MYBL1: variants seen among roughly 807,000 people sequenced by gnomAD.
The protein encoded by MYBL1 is MYB proto-oncogene like 1, also known as myb-related protein A.
Under a neutral mutation model 96.3 loss-of-function variants are expected in MYBL1, and 17 were observed. That is an observed-to-expected ratio of 0.18 (90% CI 0.12 to 0.26). The LOEUF (loss-of-function observed/expected upper bound fraction) is 0.26. MYBL1 is among the 10% of genes least tolerant of loss of function. The probability of loss-of-function intolerance (pLI) is 1.00; values close to 1 mark genes in which losing one functional copy is unlikely to be tolerated. For synonymous variants in MYBL1, 282 were observed against 292.7 expected (o/e 0.96, Z 0.37); for missense variants, 701 against 882.9 (o/e 0.79, Z 2.61).
chr8:66,603,966 A>G (rs1586599900), intron 1 of MYBL1, among the ~76,000 whole-genome samples: 1 of 115,598 alleles, frequency 8.7e-6, no homozygotes, highest in South Asian at 2.4e-4. Flanking sequence ...AATTCATATG[A>G]AAAAAAAAAA....
chr8:66,586,048 T>TG, intron 8 of MYBL1, among the ~76,000 whole-genome samples: 1 of 146,710 alleles, frequency 6.8e-6, no homozygotes, highest in East Asian at 1.9e-4. Context: ...TGGTGTTTTT[T>TG]TTTTTTTTTT....
At chr8:66,571,013 G>C (rs116739385) in intron 12 of MYBL1, among the ~76,000 whole-genome samples, 3,037 of 152,226 alleles carry the variant, frequency 0.02, 96 homozygotes, top group African/African-American at 0.068. Flanking sequence ...AGATGTGCGT[G>C]TGTAACATGC....
rs371289891 is a variant in MYBL1 at position 66,589,846 on chromosome 8, T to A, written c.867+2594A>T. Among the ~76,000 whole-genome samples, 6 of 152,308 alleles carry A rather than the reference T, an allele frequency of 3.9e-5. No individual in the cohort carries two copies. The South Asian group carries it at 6.2e-4, about 16-fold the overall frequency. ...GTAAGTATATGTCAGGTCTTCCTAGTTGCTCATGGTTTTTGCAGTTTCAAA... is the reference window on the plus strand; with the variant it reads ...GTAAGTATATGTCAGGTCTTCCTAGATGCTCATGGTTTTTGCAGTTTCAAA... On this transcript the variant is annotated intron_variant, in intron 8 of 15. Transcript: ENST00000522677.
At chr8:66,602,744 T>A (rs1219785620) in intron 1 of MYBL1, among the ~76,000 whole-genome samples, 17 of 103,002 alleles carry the variant, frequency 1.7e-4, no homozygotes, top group African/African-American at 4.4e-4. Flanking sequence ...TTTTTTTTTT[T>A]TTTTTTTTTT....
At chr8:66,566,277 A>T (rs1016694068) in intron 14 of MYBL1, 34 bp from the exon 15 acceptor site, 7 of 1,321,188 alleles carry the variant, frequency 5.3e-6, no homozygotes, top group Non-Finnish European at 7.2e-6. Context: ...AAAATAACTA[A>T]TTCAAAAATG....
At chr8:66,566,315 G>T in intron 14 of MYBL1, 72 bp from the exon 15 acceptor site, 1 of 883,366 alleles carries the variant, frequency 1.1e-6, no homozygotes, top group Non-Finnish European at 1.6e-6. Context: ...TACTGAGTAA[G>T]TGGTAATGGA....
At chr8:66,606,917 G>A (rs1215234064) in intron 1 of MYBL1, among the ~76,000 whole-genome samples, 1 of 151,712 alleles carries the variant, frequency 6.6e-6, no homozygotes, top group Admixed American at 6.6e-5. Context: ...CAGCCTCCCA[G>A]GTAGAAGGAA....
intron 12 of MYBL1, among the ~76,000 whole-genome samples, chr8:66,568,781 C>T (rs1314215236): frequency 6.6e-6 from 1 of 151,960 alleles, no homozygotes; most frequent in African/African-American, 2.4e-5. Context: ...AATCCCAGCA[C>T]TTTGGGAGAC....
rs374197637 is a variant in MYBL1 at position 66,576,200 on chromosome 8, T to C, written c.1277A>G (p.Asn426Ser). Residue 426 changes from asparagine to serine, a missense_variant, in exon 10 of 16, where the codon AAC becomes AGC. By Grantham distance (46) the Asn-to-Ser change is conservative (BLOSUM62 1). Transcript: ENST00000522677. ...EGKKNTCNGG[N>S]SEAVPLTSPN... is the part of the protein sequence containing the mutation. ...GGATGTTAAAGGAACAGCTTCACTG[T>C]TGCCACCATTACAAGTGTTTTTTTT... is the stretch of plus-strand genomic sequence containing the variant. 2 of 1,613,898 alleles carry C rather than the reference T, an allele frequency of 1.2e-6. No homozygotes were observed. Among genetic ancestry groups the C allele is most frequent in the African/African-American group, 2.7e-5 (2 of 74,946 alleles).
intron 1 of MYBL1, among the ~76,000 whole-genome samples, chr8:66,603,768 C>T (rs1321146313): frequency 3.3e-5 from 5 of 152,008 alleles, no homozygotes; most frequent in South Asian, 2.1e-4. Context: ...CCAAATCCCA[C>T]GCTTGAGATT....
intron 8 of MYBL1, among the ~76,000 whole-genome samples, chr8:66,583,499 C>G (rs1809296375): frequency 6.6e-6 from 1 of 151,056 alleles, no homozygotes; most frequent in Non-Finnish European, 1.5e-5. Context: ...AAAACTGAGA[C>G]AAACAAATAC....
chr8:66,567,526 A>AGTGT lies in MYBL1; in HGVS notation c.1729-538_1729-535dup, dbSNP rs111352513. ...AGTATCCAAGAAGACAGAGAGAGTG[A>AGTGT]GTGTGTGTGTGTGTGTGTGTGTGTG... On this transcript the variant is annotated intron_variant, in intron 12 of 15. Coordinates refer to ENST00000522677, the MANE Select transcript of MYBL1 (RefSeq NM_001080416.4). Among the ~76,000 whole-genome samples the AGTGT allele has an allele frequency of 1.5e-3, 222 of 146,914 alleles. 1 individual carries two copies. The highest frequency in any genetic ancestry group is 4.3e-3 in the African/African-American group (176 of 40,524).
At chr8:66,579,254 A>T (rs563684500) in intron 9 of MYBL1, among the ~76,000 whole-genome samples, 122 of 150,276 alleles carry the variant, frequency 8.1e-4, no homozygotes, top group South Asian at 2.9e-3. Context: ...TTAAAAAAAA[A>T]TTTTTTTTAA....
chr8:66,613,056 CCCCGG>C lies in MYBL1; in HGVS notation c.-223_-219del. Reference sequence around the variant, plus strand: ...CCCCGGCCCGCAGCGCCGCTCTTAGCCCCGGCCCGGCCCGGCCAGGGATACCCCCA... The same window carrying C: ...CCCCGGCCCGCAGCGCCGCTCTTAGCCCCGGCCCGGCCAGGGATACCCCCA... On this transcript the variant is annotated 5_prime_UTR_variant, in exon 1 of 16. An upstream open reading frame in the 5' UTR loses its in-frame stop. Transcript: ENST00000522677. 1 of 448,290 alleles carries C rather than the reference CCCCGG, an allele frequency of 2.2e-6. No individual in the cohort carries two copies. Among genetic ancestry groups the C allele is most frequent in the Non-Finnish European group, 3.7e-6 (1 of 268,362 alleles). The allele number at this position is 448,290 out of a possible 1,614,324, so 27.8% of individuals were successfully genotyped here. A position where few individuals can be genotyped will look rare whatever the true frequency, so the allele number is the denominator to read the frequency against.
rs548530854 is a variant in MYBL1 at position 66,601,447 on chromosome 8, A to G, written c.198+251T>C. Among the ~76,000 whole-genome samples the G allele has an allele frequency of 5.3e-5, 8 of 152,174 alleles. No individual in the cohort carries two copies. In the South Asian group the frequency reaches 8.3e-4, roughly 16 times the overall value. On this transcript the variant is annotated intron_variant, in intron 3 of 15. Coordinates refer to ENST00000522677, the MANE Select transcript of MYBL1 (RefSeq NM_001080416.4). Reference sequence around the variant, plus strand: ...CAAATATTTATAAGGTCCCACATACATTTATTATCATTTTTGTTTTAAGTT... The same window carrying G: ...CAAATATTTATAAGGTCCCACATACGTTTATTATCATTTTTGTTTTAAGTT...
At chr8:66,568,126 G>A (rs1411522755) in intron 12 of MYBL1, among the ~76,000 whole-genome samples, 2 of 150,224 alleles carry the variant, frequency 1.3e-5, no homozygotes, top group Non-Finnish European at 3.0e-5. Flanking sequence ...AGCAAAGTTA[G>A]AGAGAATGGT....
chr8:66,590,824 A>G (rs1408000846), intron 8 of MYBL1, among the ~76,000 whole-genome samples: 2 of 152,174 alleles, frequency 1.3e-5, no homozygotes, highest in Non-Finnish European at 1.5e-5. Flanking sequence ...TCACAGCTAG[A>G]TAGAAGGAAC....
At chr8:66,567,555 T>C (rs1190812096) in intron 12 of MYBL1, among the ~76,000 whole-genome samples, 2 of 151,354 alleles carry the variant, frequency 1.3e-5, no homozygotes, top group East Asian at 1.9e-4. Flanking sequence ...GTGTGTGTAG[T>C]GTGGGAGGGT....
At chr8:66,600,455 CTTGTAGCA>C (rs1810025053) in intron 3 of MYBL1, among the ~76,000 whole-genome samples, 1 of 152,176 alleles carries the variant, frequency 6.6e-6, no homozygotes, top group Non-Finnish European at 1.5e-5. Context: ...CCTGTATGTC[CTTGTAGCA>C]TTTCTGTTAA....
Sources: allele counts gnomAD v4.1 joint callset (sites outside exome capture counted in the v4.1 genomes callset), GRCh38; gene constraint gnomAD v4.1.1; transcripts MANE v1.5; gene names NCBI Gene and HGNC (gene_info 2026-07-23, HGNC 2026-07-21).